Variants in UGGT2 observed in about 807,000 individuals in gnomAD.
The protein encoded by UGGT2 is UDP-glucose glycoprotein glucosyltransferase 2.
UGGT2 carries 180 observed loss-of-function variants against 192.1 expected under a neutral mutation model. That is an observed-to-expected ratio of 0.94 (90% CI 0.83 to 1.06). The LOEUF (loss-of-function observed/expected upper bound fraction) is 1.06. Ranked by LOEUF, UGGT2 falls within the 50% of genes least tolerant of loss-of-function variation. The pLI is 0.00. For missense variants in UGGT2, 1,849 were observed against 1,795.7 expected (o/e 1.03, Z -0.54); for synonymous variants, 580 against 591.0 (o/e 0.98, Z 0.27).
intron 15 of UGGT2, among the ~76,000 whole-genome samples, chr13:95,944,927 A>G (rs984419226): frequency 6.6e-6 from 1 of 151,940 alleles, no homozygotes; most frequent in Non-Finnish European, 1.5e-5. Context: ...GAAACTGTCC[A>G]TTTATCTCCC....
intron 38 of UGGT2, among the ~76,000 whole-genome samples, chr13:95,828,813 A>G (rs1886334228): frequency 6.6e-6 from 1 of 152,192 alleles, no homozygotes; most frequent in Non-Finnish European, 1.5e-5. Context: ...TCCCTAACTC[A>G]ATTTATGAGG....
At chr13:95,942,649 A>AT (rs1436734633) in intron 15 of UGGT2, among the ~76,000 whole-genome samples, 2 of 151,852 alleles carry the variant, frequency 1.3e-5, no homozygotes, top group Admixed American at 1.3e-4. Context: ...GGTCATTGGT[A>AT]TTTTTCTTTT....
intron 33 of UGGT2, among the ~76,000 whole-genome samples, chr13:95,857,288 A>G (rs1453404974): frequency 2.0e-5 from 3 of 152,136 alleles, no homozygotes; most frequent in Non-Finnish European, 2.9e-5. Context: ...TCTTCATTAA[A>G]TATGTGTCCA....
At chr13:96,009,315 T>C (rs751936559) in intron 5 of UGGT2, among the ~76,000 whole-genome samples, 4 of 152,024 alleles carry the variant, frequency 2.6e-5, no homozygotes, top group Non-Finnish European at 4.4e-5. Context: ...CCAAAAGCAA[T>C]TGCAACAAAA....
At chr13:95,839,253 G>A (rs1394556008) in intron 36 of UGGT2, among the ~76,000 whole-genome samples, 1 of 152,050 alleles carries the variant, frequency 6.6e-6, no homozygotes, top group African/African-American at 2.4e-5. Flanking sequence ...GGTCTACTCT[G>A]TTGTCACTTA....
At chr13:95,924,629 A>C (rs1279314449) in intron 20 of UGGT2, among the ~76,000 whole-genome samples, 1 of 152,034 alleles carries the variant, frequency 6.6e-6, no homozygotes, top group Non-Finnish European at 1.5e-5. Context: ...TTGCTCAACA[A>C]ACAGAAAACA....
intron 12 of UGGT2, among the ~76,000 whole-genome samples, chr13:95,952,702 GT>G (rs1179365160): frequency 1.8e-4 from 27 of 152,008 alleles, no homozygotes; most frequent in Admixed American, 2.0e-4. Flanking sequence ...GAGTTTGTGG[GT>G]TTTTTCCCTT....
intron 12 of UGGT2, among the ~76,000 whole-genome samples, chr13:95,958,397 C>T (rs1163607307): frequency 2.6e-5 from 4 of 152,134 alleles, no homozygotes; most frequent in East Asian, 1.9e-4. Context: ...ATGATCCACC[C>T]GCCTAGGCCT....
intron 20 of UGGT2, among the ~76,000 whole-genome samples, chr13:95,921,878 G>GAGAACTAAAAAC (rs1231669299): frequency 2.0e-5 from 3 of 152,164 alleles, no homozygotes; most frequent in African/African-American, 7.2e-5. Flanking sequence ...ACATTTCTCA[G>GAGAACTAAAAAC]AGAACTAAAA....
intron 38 of UGGT2, among the ~76,000 whole-genome samples, chr13:95,818,114 C>T (rs931593762): frequency 1.3e-5 from 2 of 152,142 alleles, no homozygotes; most frequent in African/African-American, 2.4e-5. Flanking sequence ...CCAGAACAGC[C>T]CCGGGCAATG....
At chr13:96,015,959 G>A (rs1311177441) in intron 4 of UGGT2, among the ~76,000 whole-genome samples, 1 of 152,178 alleles carries the variant, frequency 6.6e-6, no homozygotes, top group Non-Finnish European at 1.5e-5. Context: ...TTGGGAACTG[G>A]AGTAAAGGTC....
intron 1 of UGGT2, among the ~76,000 whole-genome samples, chr13:96,045,201 G>A (rs1006436626): frequency 3.3e-5 from 5 of 152,090 alleles, no homozygotes; most frequent in African/African-American, 9.7e-5. Context: ...CAATAAATGT[G>A]ATACACCAGA....
At chr13:95,827,461 A>C (rs77307573) in intron 38 of UGGT2, among the ~76,000 whole-genome samples, 3,160 of 152,232 alleles carry the variant, frequency 0.021, 107 homozygotes, top group African/African-American at 0.072. Flanking sequence ...TTACAAACCA[A>C]GGAGAGACGT....
chr13:96,050,245 A>T (rs2053445375), intron 1 of UGGT2, among the ~76,000 whole-genome samples: 1 of 152,244 alleles, frequency 6.6e-6, no homozygotes, highest in South Asian at 2.1e-4. Flanking sequence ...TTCCCTATTT[A>T]ATAAATGGTG....
At chr13:95,807,419 T>C (rs1884358314) in intron 38 of UGGT2, among the ~76,000 whole-genome samples, 1 of 152,184 alleles carries the variant, frequency 6.6e-6, no homozygotes, top group Non-Finnish European at 1.5e-5. Context: ...GTCTAATTTT[T>C]TTGTTATTTC....
chr13:95,958,672 G>A (rs965585193), intron 12 of UGGT2, among the ~76,000 whole-genome samples: 3 of 151,136 alleles, frequency 2.0e-5, no homozygotes, highest in Non-Finnish European at 4.4e-5. Flanking sequence ...TCCATGGAAA[G>A]GAACCAATAT....
At position 95,972,655 on chromosome 13, in the gene UGGT2, A is replaced by G; in HGVS notation, c.1109T>C (p.Phe370Ser). 1 of 1,613,732 alleles carries G rather than the reference A, an allele frequency of 6.2e-7. No individual in the cohort carries two copies. Among genetic ancestry groups the G allele is most frequent in the Non-Finnish European group, 8.5e-7 (1 of 1,179,778 alleles). The change falls in exon 11 of 39, where the codon TTT becomes TCT. Residue 370 changes from phenylalanine to serine, a missense_variant. By Grantham distance (155) the Phe-to-Ser change is radical. Transcript: ENST00000376747. Reference protein sequence around the residue: ...KENQKDLQVRFKIQPGDARLF... With the variant: ...KENQKDLQVRSKIQPGDARLF... Reference sequence around the variant, plus strand: ...ACGAGCATCGCCTGGCTGAATTTTAAATCTAACTTGAAGATCCTTGAAGTA... The same window carrying G: ...ACGAGCATCGCCTGGCTGAATTTTAGATCTAACTTGAAGATCCTTGAAGTA...
At chr13:95,968,563 A>G (rs887107006) in intron 12 of UGGT2, among the ~76,000 whole-genome samples, 3 of 152,016 alleles carry the variant, frequency 2.0e-5, no homozygotes, top group Non-Finnish European at 4.4e-5. Flanking sequence ...GGCTGCTTAA[A>G]TGTATGGCAC....
intron 36 of UGGT2, among the ~76,000 whole-genome samples, chr13:95,847,250 C>T (rs1888564675): frequency 1.3e-5 from 2 of 152,080 alleles, no homozygotes. Context: ...CCCCTATTAT[C>T]AACACCCCCC....
Sources: gnomAD v4.1 joint callset for allele counts (sites outside exome capture counted in the v4.1 genomes callset) on GRCh38, gnomAD v4.1.1 for gene constraint, MANE v1.5 for transcripts, NCBI Gene and HGNC (gene_info 2026-07-23, HGNC 2026-07-21) for gene names.